ELMOD1: variants seen among roughly 807,000 people sequenced by gnomAD.
The protein encoded by ELMOD1 is ELMO domain-containing protein 1.
ELMOD1 carries 21 observed loss-of-function variants against 46.7 expected under a neutral mutation model. The ratio of observed to expected loss-of-function variants is 0.45; its 90% CI spans 0.32 to 0.65. ELMOD1 has a LOEUF of 0.65. Among genes scored for constraint, ELMOD1 ranks in the 30% least tolerant of loss-of-function variants. The pLI is 0.04. For synonymous variants in ELMOD1, 122 were observed against 138.2 expected, an observed-to-expected ratio of 0.88 and a Z score of 0.82; for missense variants, 348 against 407.8, an observed-to-expected ratio of 0.85 and a Z score of 1.26.
intron 10 of ELMOD1, 117 bp downstream of exon 10, chr11:107,654,339 C>A: frequency 1.1e-6 from 1 of 897,258 alleles, no homozygotes; most frequent in Non-Finnish European, 1.7e-6. Flanking sequence ...AATATACAAT[C>A]TGGTTAAAAT....
intron 5 of ELMOD1, among the ~76,000 whole-genome samples, chr11:107,634,643 G>T (rs1866196853): frequency 6.6e-6 from 1 of 152,052 alleles, no homozygotes; most frequent in African/African-American, 2.4e-5. Context: ...CGGGAGGCTA[G>T]GGCAGGAGAA....
At chr11:107,662,374 G>A (rs1042250477) in intron 11 of ELMOD1, among the ~76,000 whole-genome samples, 4 of 152,158 alleles carry the variant, frequency 2.6e-5, no homozygotes, top group African/African-American at 9.7e-5. Flanking sequence ...ATTTTGGGAG[G>A]CTGAGGCGGG....
chr11:107,648,608 A>G (rs1866473167), intron 7 of ELMOD1, among the ~76,000 whole-genome samples: 1 of 152,126 alleles, frequency 6.6e-6, no homozygotes. Context: ...TATTTTTCCT[A>G]TAATTGTTAG....
At chr11:107,640,207 A>C (rs1288752951) in intron 6 of ELMOD1, among the ~76,000 whole-genome samples, 2 of 152,280 alleles carry the variant, frequency 1.3e-5, no homozygotes, top group Middle Eastern at 6.8e-3. Flanking sequence ...AGATAATTGT[A>C]CTTCATATAA....
chr11:107,642,473 A>G (rs1565384675), intron 6 of ELMOD1, among the ~76,000 whole-genome samples: 2 of 151,590 alleles, frequency 1.3e-5, no homozygotes, highest in Non-Finnish European at 2.9e-5. Context: ...GGTTCAATCA[A>G]TTCTCTGCCT....
At chr11:107,662,968 A>G (rs763736786) in intron 11 of ELMOD1, among the ~76,000 whole-genome samples, 2 of 151,280 alleles carry the variant, frequency 1.3e-5, no homozygotes, top group Non-Finnish European at 2.9e-5. Context: ...GCCTCAAGTG[A>G]TCCTCCTGCC....
intron 6 of ELMOD1, among the ~76,000 whole-genome samples, chr11:107,639,619 C>A (rs1288546984): frequency 6.6e-6 from 1 of 152,090 alleles, no homozygotes; most frequent in Non-Finnish European, 1.5e-5. Flanking sequence ...GGTTCGAGAC[C>A]AGGCAGAAGT....
intron 1 of ELMOD1, among the ~76,000 whole-genome samples, chr11:107,609,198 T>C (rs1233716719): frequency 6.6e-6 from 1 of 152,268 alleles, no homozygotes; most frequent in African/African-American, 2.4e-5. Flanking sequence ...GAATATTTGC[T>C]ATTATCATTA....
intron 1 of ELMOD1, among the ~76,000 whole-genome samples, chr11:107,596,702 A>G (rs537124427): frequency 1.1e-4 from 16 of 152,320 alleles, no homozygotes; most frequent in Non-Finnish European, 1.2e-4. Context: ...TACTTTACAT[A>G]GAATTTTGAC....
chr11:107,650,659 T>C (rs1306265431), intron 8 of ELMOD1, among the ~76,000 whole-genome samples: 1 of 151,952 alleles, frequency 6.6e-6, no homozygotes, highest in Non-Finnish European at 1.5e-5. Flanking sequence ...CCAGGAAGAC[T>C]GAGGAGGTGG....
At chr11:107,613,986 C>T (rs150970349) in intron 1 of ELMOD1, among the ~76,000 whole-genome samples, 207 of 152,272 alleles carry the variant, frequency 1.4e-3, no homozygotes, top group Admixed American at 3.5e-3. Flanking sequence ...AAAAATGTTC[C>T]AAAGACCTTT....
rs924142080 is a variant in ELMOD1, at chr11:107,635,669, A to T, written c.324A>T (p.Gln108His). Residue 108 changes from glutamine to histidine, a missense_variant, in exon 6 of 12, where the codon CAA (glutamine) becomes CAT (histidine). Transcript: ENST00000265840. ...TCTCTCTTCAGGCTTGCCTTCTGCA[A>T]ATCGTTGGGTACAGGAACCTTATTG... The part of the protein sequence containing the change: ...LGISLQACLL[Q>H]IVGYRNLIAD... 1.9e-6 allele frequency: 3 copies of T among 1,613,796 alleles called. No individual in the cohort carries two copies. The highest frequency in any genetic ancestry group is 2.5e-6 in the Non-Finnish European group (3 of 1,179,838).
At chr11:107,649,211 T>A (rs575147514) in intron 7 of ELMOD1, among the ~76,000 whole-genome samples, 9 of 152,260 alleles carry the variant, frequency 5.9e-5, no homozygotes, top group African/African-American at 2.2e-4. Flanking sequence ...GAAAAATAAA[T>A]TAAATCATTA....
intron 1 of ELMOD1, among the ~76,000 whole-genome samples, chr11:107,603,688 C>T (rs1461989165): frequency 6.6e-6 from 1 of 152,106 alleles, no homozygotes; most frequent in Non-Finnish European, 1.5e-5. Context: ...ACCAGCCTGG[C>T]CAACATGGCC....
intron 6 of ELMOD1, among the ~76,000 whole-genome samples, chr11:107,641,388 A>G (rs1290248358): frequency 6.6e-6 from 1 of 152,228 alleles, no homozygotes; most frequent in Admixed American, 6.5e-5. Context: ...AGTAGTTACC[A>G]CAATTTAGTA....
rs947164286 is a variant in ELMOD1 at position 107,650,422 on chromosome 11, A to G, written c.623+19A>G. ...AATGCAGGTAATTGTTGAAAGTAAA[A>G]GATGAATTAGGTTTTATGGGTTAGA... On this transcript the variant is annotated intron_variant, in intron 8 of 11. Transcript: ENST00000265840. 1.0e-5 allele frequency: 16 copies of G among 1,537,738 alleles called. No homozygotes were observed. The highest frequency in any genetic ancestry group is 1.4e-5 in the Non-Finnish European group (16 of 1,128,398).
chr11:107,664,807 G>A (rs1348668867), intron 11 of ELMOD1, among the ~76,000 whole-genome samples: 2 of 152,074 alleles, frequency 1.3e-5, no homozygotes, highest in Admixed American at 1.3e-4. Flanking sequence ...AATGATTCCA[G>A]GGCCAATTGC....
intron 7 of ELMOD1, 23 bp from the exon 8 acceptor site, chr11:107,650,312 G>GTT: frequency 6.5e-7 from 1 of 1,546,816 alleles, no homozygotes; most frequent in African/African-American, 1.4e-5. Flanking sequence ...TAGAGTTACG[G>GTT]TTTTCTTTCC....
chr11:107,659,770 T>G (rs1379461772), intron 11 of ELMOD1, among the ~76,000 whole-genome samples: 1 of 151,650 alleles, frequency 6.6e-6, no homozygotes. Flanking sequence ...TGTGGGAAAT[T>G]TTCTCCTTAG....
Sources: allele counts gnomAD v4.1 joint callset (sites outside exome capture counted in the v4.1 genomes callset), GRCh38; gene constraint gnomAD v4.1.1; transcripts MANE v1.5; gene names NCBI Gene and HGNC (gene_info 2026-07-23, HGNC 2026-07-21).